The following SLC35F1 variants were observed in gnomAD, a reference collection of about 807,000 sequenced individuals.
The protein encoded by SLC35F1 is solute carrier family 35 member F1.
Under a neutral mutation model 48.7 loss-of-function variants are expected in SLC35F1, and 14 were observed. The ratio of observed to expected loss-of-function variants is 0.29; its 90% confidence interval spans 0.19 to 0.45. The LOEUF (loss-of-function observed/expected upper bound fraction) is 0.45, where lower values mean the gene tolerates loss of function less well. Ranked by LOEUF, SLC35F1 falls within the 20% of genes least tolerant of loss-of-function variation. The pLI, the probability that SLC35F1 is intolerant of heterozygous loss-of-function variation, is 1.00. For missense variants in SLC35F1, 404 were observed against 500.0 expected (o/e 0.81, Z 1.83); for synonymous variants, 190 against 202.2 (o/e 0.94, Z 0.51).
At chr6:118,147,050 C>A (rs1369163397) in intron 1 of SLC35F1, among the ~76,000 whole-genome samples, 1 of 152,022 alleles carries the variant, frequency 6.6e-6, no homozygotes, top group Non-Finnish European at 1.5e-5. Flanking sequence ...CATACAATCG[C>A]AAGGAGCAGG....
intron 1 of SLC35F1, among the ~76,000 whole-genome samples, chr6:117,987,072 A>G (rs1181062320): frequency 6.6e-6 from 1 of 152,216 alleles, no homozygotes; most frequent in Non-Finnish European, 1.5e-5. Flanking sequence ...GTTAAAGGCC[A>G]AGCCTGTGCC....
chr6:118,154,987 G>A (rs1181033489), intron 2 of SLC35F1, among the ~76,000 whole-genome samples: 1 of 152,054 alleles, frequency 6.6e-6, no homozygotes, highest in Non-Finnish European at 1.5e-5. Context: ...AAATCCAAGG[G>A]AATTGCAGAC....
At chr6:118,210,232 T>TAG (rs1774984886) in intron 2 of SLC35F1, among the ~76,000 whole-genome samples, 1 of 152,218 alleles carries the variant, frequency 6.6e-6, no homozygotes, top group Non-Finnish European at 1.5e-5. Context: ...TTAGACCTAA[T>TAG]TGTGATTATC....
At chr6:117,928,520 GA>G (rs1776057981) in intron 1 of SLC35F1, among the ~76,000 whole-genome samples, 2 of 152,008 alleles carry the variant, frequency 1.3e-5, no homozygotes, top group South Asian at 4.1e-4. Context: ...GGATCCTTAG[GA>G]AAATAGTTTG....
chr6:118,071,881 T>G (rs377498539), intron 1 of SLC35F1, among the ~76,000 whole-genome samples: 2 of 152,340 alleles, frequency 1.3e-5, no homozygotes. Flanking sequence ...TTCTGGAATT[T>G]CACAAGGATG....
intron 7 of SLC35F1, among the ~76,000 whole-genome samples, chr6:118,297,667 T>A (rs1274660332): frequency 3.6e-4 from 43 of 120,056 alleles, no homozygotes; most frequent in African/African-American, 1.6e-3. Context: ...TATATAATAT[T>A]ATATAAGTTC....
chr6:118,070,182 A>AGATAAGTT (rs1459765167), intron 1 of SLC35F1, among the ~76,000 whole-genome samples: 3 of 151,064 alleles, frequency 2.0e-5, no homozygotes, highest in Admixed American at 2.0e-4. Context: ...ATTTAATTAA[A>AGATAAGTT]GATAAGTTGA....
chr6:118,119,628 T>C (rs1047479756), intron 1 of SLC35F1, among the ~76,000 whole-genome samples: 27 of 151,490 alleles, frequency 1.8e-4, no homozygotes, highest in African/African-American at 5.8e-4. Context: ...CTCAGCCTCC[T>C]GAGTAGCTGG....
intron 1 of SLC35F1, among the ~76,000 whole-genome samples, chr6:117,959,670 G>C (rs1776469415): frequency 6.6e-6 from 1 of 152,134 alleles, no homozygotes; most frequent in Non-Finnish European, 1.5e-5. Flanking sequence ...ATTAAGAAAA[G>C]GAATGCACAA....
intron 1 of SLC35F1, among the ~76,000 whole-genome samples, chr6:118,141,817 A>G (rs1773894474): frequency 6.6e-6 from 1 of 152,202 alleles, no homozygotes; most frequent in African/African-American, 2.4e-5. Flanking sequence ...GGAGAACACA[A>G]TAAATGACTG....
At chr6:117,980,630 T>C (rs1776765261) in intron 1 of SLC35F1, among the ~76,000 whole-genome samples, 1 of 152,206 alleles carries the variant, frequency 6.6e-6, no homozygotes, top group East Asian at 1.9e-4. Context: ...TCTCTGACTT[T>C]AGGGAGCTCA....
chr6:118,041,559 G>A (rs2114902252), intron 1 of SLC35F1, among the ~76,000 whole-genome samples: 2 of 152,220 alleles, frequency 1.3e-5, no homozygotes, highest in Non-Finnish European at 2.9e-5. Context: ...CAAAAATCAA[G>A]TAAATAAGTA....
rs191507632 is a variant in SLC35F1 at position 118,182,090 on chromosome 6, T to C, written c.349+27470T>C. 7.2e-4 allele frequency among the ~76,000 whole-genome samples: 109 copies of C among 152,324 alleles called. 1 individual carries two copies. The highest frequency in any genetic ancestry group is 2.5e-3 in the African/African-American group (102 of 41,582). On this transcript the variant is annotated intron_variant, in intron 2 of 7. Transcript: ENST00000360388. ...CTTTGTTTTATTTTTCATTATTTTT[T>C]CCACTCTTTTTATCTTCTTCCTGAT...
At chr6:118,148,746 C>T (rs909474300) in intron 1 of SLC35F1, among the ~76,000 whole-genome samples, 2 of 152,142 alleles carry the variant, frequency 1.3e-5, no homozygotes, top group South Asian at 4.1e-4. Context: ...ACATGAATAA[C>T]CTACAGCTCG....
At chr6:117,982,494 G>T (rs1352716836) in intron 1 of SLC35F1, among the ~76,000 whole-genome samples, 8 of 152,192 alleles carry the variant, frequency 5.3e-5, no homozygotes, top group African/African-American at 1.7e-4. Context: ...AGTACAAAGG[G>T]TAGAAACTAT....
chr6:118,212,056 T>G lies in SLC35F1; in HGVS notation c.350-23453T>G, dbSNP rs371217504. Among the ~76,000 whole-genome samples, 93 of 152,330 alleles carry G rather than the reference T, an allele frequency of 6.1e-4. 1 individual carries two copies. In the South Asian group the frequency reaches 0.014, roughly 23 times the overall value. The stretch of plus-strand genomic sequence containing the variant: ...CCTCAGGTAAATAAGCTCTTTTTCC[T>G]TTGTATGCATTCTTGGTGTAACTTT... On this transcript the variant is annotated intron_variant, in intron 2 of 7. Transcript: ENST00000360388.
Position 117,907,623 on chromosome 6 carries a change from C to A in SLC35F1, c.-104C>A, listed in dbSNP as rs1775705570. Reference sequence around the variant, plus strand: ...TTCGCAGGCAGCACCGCCTCCCGGGCCGCGGCCGCCCGGCCGGGTCCTCTG... The same window carrying A: ...TTCGCAGGCAGCACCGCCTCCCGGGACGCGGCCGCCCGGCCGGGTCCTCTG... On this transcript the variant is annotated 5_prime_UTR_variant, in exon 1 of 8. Transcript: ENST00000360388. 9 of 609,070 alleles carry A rather than the reference C, an allele frequency of 1.5e-5. No homozygotes were observed. In the South Asian group the frequency reaches 3.2e-4, roughly 22 times the overall value. The allele number at this position is 609,070 out of a possible 1,614,324, so 37.7% of individuals were successfully genotyped here. A position where few individuals can be genotyped will look rare whatever the true frequency, so the allele number is the denominator to read the frequency against.
intron 2 of SLC35F1, among the ~76,000 whole-genome samples, chr6:118,228,873 C>T (rs909634133): frequency 9.2e-5 from 14 of 151,760 alleles, no homozygotes; most frequent in African/African-American, 3.4e-4. Flanking sequence ...TTTGTTCTGG[C>T]GTAAAAACAC....
chr6:117,919,395 T>C (rs1775867730), intron 1 of SLC35F1, among the ~76,000 whole-genome samples: 1 of 152,216 alleles, frequency 6.6e-6, no homozygotes, highest in South Asian at 2.1e-4. Flanking sequence ...TTACATGCAA[T>C]AACATCTGGG....
Sources: gnomAD v4.1 joint callset for allele counts (sites outside exome capture counted in the v4.1 genomes callset) on GRCh38, gnomAD v4.1.1 for gene constraint, MANE v1.5 for transcripts, NCBI Gene and HGNC (gene_info 2026-07-23, HGNC 2026-07-21) for gene names.